CDC42BPB: variants seen among roughly 807,000 people sequenced by gnomAD.
CDC42BPB encodes the protein serine/threonine-protein kinase MRCK beta.
Under a neutral mutation model 214.9 loss-of-function variants are expected in CDC42BPB, and 37 were observed. That is an observed-to-expected ratio of 0.17 (90% CI 0.13 to 0.23). The LOEUF is 0.23. CDC42BPB is among the 10% of genes least tolerant of loss of function. The pLI is 1.00. For missense variants in CDC42BPB, 1,694 were observed against 2,227.0 expected (o/e 0.76, Z 4.82); for synonymous variants, 931 against 884.0 (o/e 1.05, Z -0.94).
intron 6 of CDC42BPB, among the ~76,000 whole-genome samples, chr14:102,984,136 G>A (rs560662278): frequency 5.3e-5 from 8 of 152,288 alleles, no homozygotes; most frequent in Non-Finnish European, 1.2e-4. Flanking sequence ...TGAAACTCTT[G>A]TACACATGGT....
chr14:102,942,931 C>T (rs1408806094), intron 30 of CDC42BPB, among the ~76,000 whole-genome samples: 1 of 152,062 alleles, frequency 6.6e-6, no homozygotes, highest in African/African-American at 2.4e-5. Flanking sequence ...TGCAGTGGTG[C>T]GATCTCAGCT....
At chr14:102,970,476 C>G (rs749229641) in intron 13 of CDC42BPB, 19 of 567,582 alleles carry the variant, frequency 3.3e-5, no homozygotes, top group Non-Finnish European at 4.0e-5. Context: ...TCAATTCTAG[C>G]TTAAATTGAC....
chr14:103,045,480 G>C (rs1205979513), intron 1 of CDC42BPB, among the ~76,000 whole-genome samples: 1 of 151,630 alleles, frequency 6.6e-6, no homozygotes, highest in Non-Finnish European at 1.5e-5. Context: ...AGGAGCAGGC[G>C]CTGTCCAGCC....
intron 8 of CDC42BPB, among the ~76,000 whole-genome samples, chr14:102,978,573 C>A (rs1173998376): frequency 6.6e-6 from 1 of 152,178 alleles, no homozygotes; most frequent in Non-Finnish European, 1.5e-5. Flanking sequence ...CTCTGAGGAC[C>A]CCGGACAGAG....
intron 27 of CDC42BPB, 133 bp downstream of exon 27, chr14:102,947,587 TG>T: frequency 2.5e-6 from 2 of 786,012 alleles, no homozygotes; most frequent in Non-Finnish European, 4.3e-6. Context: ...CACAAGGACC[TG>T]GAGCCAGGCT....
chr14:103,057,236 G>A lies in CDC42BPB; in HGVS notation c.-63C>T. 8.2e-7 allele frequency: 1 copy of A among 1,225,930 alleles called. No individual in the cohort carries two copies. Among genetic ancestry groups the A allele is most frequent in the Non-Finnish European group, 1.0e-6 (1 of 982,546 alleles). The allele number at this position is 1,225,930 out of a possible 1,614,324, so 75.9% of individuals were successfully genotyped here. A position where few individuals can be genotyped will look rare whatever the true frequency, so the allele number is the denominator to read the frequency against. ...ACCGCCGGCTCGGCCAGTCCGTCAG[G>A]GCGCGCCCTCGGGGGCTCGGCGGCT... On this transcript the variant is annotated 5_prime_UTR_variant, in exon 1 of 37. Transcript: ENST00000361246.
chr14:103,053,357 GA>G (rs1240233177), intron 1 of CDC42BPB, among the ~76,000 whole-genome samples: 2 of 146,278 alleles, frequency 1.4e-5, no homozygotes, highest in African/African-American at 5.0e-5. Context: ...AAAAAAAAAA[GA>G]AAAGAAAAGA....
intron 19 of CDC42BPB, among the ~76,000 whole-genome samples, chr14:102,964,139 A>G (rs1202567166): frequency 6.6e-6 from 1 of 152,242 alleles, no homozygotes; most frequent in African/African-American, 2.4e-5. Flanking sequence ...ACAATCTTGA[A>G]TTAGTGAATG....
Position 102,944,660 on chromosome 14 carries a change from G to A in CDC42BPB, c.3812-173C>T. 5.1e-6 allele frequency: 5 copies of A among 985,314 alleles called. No individual in the cohort carries two copies. The highest frequency in any genetic ancestry group is 6.0e-6 in the Non-Finnish European group (5 of 829,904). The allele number at this position is 985,314 out of a possible 1,614,324, so 61.0% of individuals were successfully genotyped here. ...GCCCGTCTCTGCCCACAGAGCCAGT[G>A]GCTTGAACGCCCCCCGGAGAAGCTG... On this transcript the variant is annotated intron_variant, in intron 29 of 36. Coordinates refer to ENST00000361246, the MANE Select transcript of CDC42BPB (RefSeq NM_006035.4). The surrounding 1 kb of genome is among the most constrained non-coding windows in gnomAD (Gnocchi z 6.6).
intron 1 of CDC42BPB, among the ~76,000 whole-genome samples, chr14:103,054,338 T>C (rs982763951): frequency 4.6e-5 from 7 of 152,220 alleles, no homozygotes; most frequent in Admixed American, 4.6e-4. Flanking sequence ...TGGGGAAAGG[T>C]TGGCTTTTCC....
Position 102,999,507 on chromosome 14 carries a change from A to C in CDC42BPB, c.596+58T>G. 6 of 1,579,080 alleles carry C rather than the reference A, an allele frequency of 3.8e-6. No homozygotes were observed. In the South Asian group the frequency reaches 5.6e-5, roughly 15 times the overall value. ...GGACGGCCTGGACTTGGGAGCTCTG[A>C]AAGGAGTCTTTTAACAATTAAACGT... On this transcript the variant is annotated intron_variant, in intron 5 of 36. Coordinates refer to ENST00000361246, the MANE Select transcript of CDC42BPB (RefSeq NM_006035.4).
chr14:102,945,160 G>C (rs1477644924), intron 29 of CDC42BPB: 3 of 447,290 alleles, frequency 6.7e-6, no homozygotes, highest in Non-Finnish European at 1.4e-5. Context: ...TGTCGGGAAA[G>C]GACTATGGCT....
intron 1 of CDC42BPB, among the ~76,000 whole-genome samples, chr14:103,054,425 G>T (rs1190223): frequency 0.76 from 116,189 of 152,144 alleles, 44,705 homozygotes; most frequent in African/African-American, 0.86. Flanking sequence ...GTCCACTGAT[G>T]GACAGCCTAT....
intron 1 of CDC42BPB, among the ~76,000 whole-genome samples, chr14:103,012,989 T>C (rs1364967661): frequency 6.6e-6 from 1 of 152,196 alleles, no homozygotes; most frequent in Non-Finnish European, 1.5e-5. Flanking sequence ...GTTCGCACAA[T>C]GACAAAAACC....
In CDC42BPB at chr14:103,012,191, A is replaced by G. The variant is rs1886193854; in HGVS notation, c.176-3T>C. ...CACCAGCTGTGTAAATGGTTTAGCTACAAGTAAAACAGTAAAACCAACAAT... is the reference window on the plus strand; with the variant it reads ...CACCAGCTGTGTAAATGGTTTAGCTGCAAGTAAAACAGTAAAACCAACAAT... On this transcript the variant is annotated splice_region_variant and splice_polypyrimidine_tract_variant and intron_variant, in intron 1 of 36. Transcript: ENST00000361246. 6.2e-7 allele frequency: 1 copy of G among 1,608,252 alleles called. No individual in the cohort carries two copies. The highest frequency in any genetic ancestry group is 8.5e-7 in the Non-Finnish European group (1 of 1,175,140).
At chr14:103,029,777 T>C (rs1005500140) in intron 1 of CDC42BPB, among the ~76,000 whole-genome samples, 2 of 143,118 alleles carry the variant, frequency 1.4e-5, no homozygotes, top group Non-Finnish European at 3.0e-5. Context: ...GAGAATTGCT[T>C]GAACCCAGGA....
At chr14:102,988,945 A>G (rs565069816) in intron 5 of CDC42BPB, among the ~76,000 whole-genome samples, 7 of 151,886 alleles carry the variant, frequency 4.6e-5, no homozygotes, top group Non-Finnish European at 8.8e-5. Context: ...TCATTCGATT[A>G]TGTACAAAAA....
chr14:102,947,914 A>G lies in CDC42BPB; in HGVS notation c.3450-112T>C, dbSNP rs557701019. 38 of 1,569,216 alleles carry G rather than the reference A, an allele frequency of 2.4e-5. No homozygotes were observed. In the Admixed American group the frequency reaches 3.6e-4, roughly 15 times the overall value. On this transcript the variant is annotated intron_variant, in intron 26 of 36. Coordinates refer to ENST00000361246, the MANE Select transcript of CDC42BPB (RefSeq NM_006035.4). ...ATGTCCTTCCACCACCGTGTTCTGCAGTGGAGGGCGGGTCCCTCGCCTCCC... is the reference window on the plus strand; with the variant it reads ...ATGTCCTTCCACCACCGTGTTCTGCGGTGGAGGGCGGGTCCCTCGCCTCCC...
At chr14:103,053,875 C>G (rs577726304) in intron 1 of CDC42BPB, among the ~76,000 whole-genome samples, 1 of 151,834 alleles carries the variant, frequency 6.6e-6, no homozygotes, top group East Asian at 1.9e-4. Flanking sequence ...GGGTCTCACT[C>G]TGTTGCCCAG....
Sources: allele counts gnomAD v4.1 joint callset (sites outside exome capture counted in the v4.1 genomes callset), GRCh38; gene constraint gnomAD v4.1.1; non-coding constraint Gnocchi (gnomAD v3.1); transcripts MANE v1.5; gene names NCBI Gene and HGNC (gene_info 2026-07-23, HGNC 2026-07-21).